The following CDH23 variants were observed in gnomAD, a reference collection of about 807,000 sequenced individuals.
CDH23 encodes the protein cadherin related 23, also known as cadherin-23.
Under a neutral mutation model 317.1 loss-of-function variants are expected in CDH23, and 189 were observed. The observed-to-expected ratio is 0.60, with a 90% confidence interval of 0.53 to 0.67. CDH23 has a LOEUF of 0.67. CDH23 is among the 30% of genes least tolerant of loss of function. CDH23 has a pLI of 0.00. For synonymous variants in CDH23, 1,839 were observed against 1,876.8 expected, an observed-to-expected ratio of 0.98 and a Z score of 0.52; for missense variants, 4,401 against 4,592.4, an observed-to-expected ratio of 0.96 and a Z score of 1.20.
At chr10:71,605,241 C>A (rs552465606) in intron 9 of CDH23, among the ~76,000 whole-genome samples, 1 of 149,080 alleles carries the variant, frequency 6.7e-6, no homozygotes, top group Admixed American at 6.7e-5. Context: ...CTTGTATTGA[C>A]CTTTTTTTTT....
intron 30 of CDH23, among the ~76,000 whole-genome samples, chr10:71,728,376 G>A (rs1866909268): frequency 6.6e-6 from 1 of 152,074 alleles, no homozygotes; most frequent in African/African-American, 2.4e-5. Flanking sequence ...AAGCAGCGAT[G>A]CAGAGAAACT....
At position 71,645,875 on chromosome 10, in the gene CDH23, C is replaced by T. The variant is rs185105210; in HGVS notation, c.1185C>T (p.Ser395=). The change falls in exon 13 of 70, where the codon TCC becomes TCT. Residue 395 remains serine (S), a synonymous_variant. Transcript: ENST00000224721. The part of the protein sequence containing the change: ...MFEVYLVGNN[S]HHFIISPTSV... ...AGGTGTACTTGGTGGGGAACAACTC[C>T]CACCACTTCATCATCTCCCCGACCT... is the stretch of plus-strand genomic sequence containing the variant. The T allele has an allele frequency of 1.6e-4, 260 of 1,613,460 alleles. 2 individuals carry two copies. The African/African-American group carries it at 2.1e-3, about 13-fold the overall frequency.
At chr10:71,436,838 G>A (rs1326022625) in intron 1 of CDH23, among the ~76,000 whole-genome samples, 2 of 152,164 alleles carry the variant, frequency 1.3e-5, no homozygotes, top group African/African-American at 2.4e-5. Context: ...CAGAGGGCTG[G>A]AGTTTTTTCT....
intron 8 of CDH23, among the ~76,000 whole-genome samples, chr10:71,576,004 CTT>C (rs1350292900): frequency 2.0e-5 from 3 of 152,214 alleles, no homozygotes; most frequent in Non-Finnish European, 4.4e-5. Context: ...GGGTATGACT[CTT>C]TTAGGAAGAG....
At chr10:71,506,130 G>A (rs1443394291) in intron 3 of CDH23, among the ~76,000 whole-genome samples, 1 of 152,140 alleles carries the variant, frequency 6.6e-6, no homozygotes, top group Non-Finnish European at 1.5e-5. Context: ...AAGAGGTCAG[G>A]CACAAAAGGC....
rs553947991 is a variant in CDH23, at chr10:71,780,289, A to G, written c.5368+842A>G. Among the ~76,000 whole-genome samples the G allele has an allele frequency of 5.9e-5, 9 of 152,348 alleles. No individual in the cohort carries two copies. The East Asian group carries it at 1.7e-3, about 29-fold the overall frequency. On this transcript the variant is annotated intron_variant, in intron 41 of 69. Transcript: ENST00000224721. ...AGAACGTACGTTCCAGTTGGAGGAC[A>G]CGGGCAATGAACCAACTGACTAAGT... is the stretch of plus-strand genomic sequence containing the variant.
chr10:71,651,604 T>G (rs1286566695), intron 14 of CDH23, among the ~76,000 whole-genome samples: 1 of 150,632 alleles, frequency 6.6e-6, no homozygotes, highest in Non-Finnish European at 1.5e-5. Flanking sequence ...AAAGGCCCCG[T>G]GGCTGGAGTA....
chr10:71,752,492 A>T (rs1213566379), intron 38 of CDH23, among the ~76,000 whole-genome samples: 1 of 152,148 alleles, frequency 6.6e-6, no homozygotes, highest in Admixed American at 6.5e-5. Context: ...TGCCCAGAGC[A>T]CACCAATACA....
rs1277766475 is a variant in CDH23 at position 71,438,666 on chromosome 10, T to C, written c.-5-1161T>C. 5.9e-5 allele frequency among the ~76,000 whole-genome samples: 9 copies of C among 152,268 alleles called. No homozygotes were observed. In the East Asian group the frequency reaches 1.5e-3, roughly 26 times the overall value. The stretch of plus-strand genomic sequence containing the variant: ...TGTGGAAGTCTCTCCAAAAATCCTT[T>C]CCTCCAGCTCTATTCACTGCCCTGT... On this transcript the variant is annotated intron_variant, in intron 1 of 69. Transcript: ENST00000224721.
intron 9 of CDH23, among the ~76,000 whole-genome samples, chr10:71,607,744 C>T (rs771638106): frequency 2.0e-5 from 3 of 152,066 alleles, no homozygotes; most frequent in Non-Finnish European, 4.4e-5. Context: ...CTCTACAAAA[C>T]ATACAAAAAT....
At chr10:71,730,959 C>T (rs1406274315) in intron 31 of CDH23, among the ~76,000 whole-genome samples, 3 of 152,250 alleles carry the variant, frequency 2.0e-5, no homozygotes, top group African/African-American at 7.2e-5. Flanking sequence ...TGGCTGCGGC[C>T]TGGCCTGCTC....
intron 60 of CDH23, among the ~76,000 whole-genome samples, 198 bp downstream of exon 60, chr10:71,808,205 C>T (rs1841800137): frequency 1.3e-5 from 2 of 152,222 alleles, no homozygotes; most frequent in Admixed American, 1.3e-4. Context: ...CTTCATCTAC[C>T]CACCAGCCCT....
At chr10:71,437,434 A>G (rs955257600) in intron 1 of CDH23, among the ~76,000 whole-genome samples, 2 of 152,252 alleles carry the variant, frequency 1.3e-5, no homozygotes, top group Admixed American at 1.3e-4. Flanking sequence ...AGCTATTATT[A>G]TCTCCTAAAA....
intron 30 of CDH23, among the ~76,000 whole-genome samples, chr10:71,729,524 G>T (rs1839282197): frequency 6.6e-6 from 1 of 152,218 alleles, no homozygotes; most frequent in African/African-American, 2.4e-5. Context: ...GGGGACGGAA[G>T]TTCCCAGGCA....
chr10:71,779,390 C>T lies in CDH23; in HGVS notation c.5311C>T (p.Arg1771Ter), dbSNP rs750027965. ...AGTGTGGACCTTCCTGGCCCATGAC[C>T]GAGACTCAGGACCCAACGGGCAGGT... Reference protein sequence around the residue: ...PRVWTFLAHDRDSGPNGQVEY... With the variant: ...PRVWTFLAHD The change falls in exon 41 of 70, where the codon CGA (arginine) becomes TGA (stop). Residue 1771 changes from arginine to a stop codon, truncating the protein, a stop_gained. Transcript: ENST00000224721. LOFTEE classifies it high-confidence loss of function. The T allele has an allele frequency of 7.4e-6, 12 of 1,613,610 alleles. No homozygotes were observed. Among genetic ancestry groups the T allele is most frequent in the Non-Finnish European group, 5.9e-6 (7 of 1,179,736 alleles).
At position 71,760,074 on chromosome 10, in the gene CDH23, T is replaced by C. The variant is rs573898690; in HGVS notation, c.4846-17606T>C. Among the ~76,000 whole-genome samples, 42 of 136,552 alleles carry C rather than the reference T, an allele frequency of 3.1e-4. 6 individuals carry two copies. Among genetic ancestry groups the C allele is most frequent in the African/African-American group, 1.1e-3 (41 of 36,338 alleles). The allele number at this position is 136,552 out of a possible 152,430, so 89.6% of individuals were successfully genotyped here. A position where few individuals can be genotyped will look rare whatever the true frequency, so the allele number is the denominator to read the frequency against. ...ACACACATATATATACACACACACA[T>C]ATATATACACACACATATACACACA... On this transcript the variant is annotated intron_variant, in intron 38 of 69. Transcript: ENST00000224721.
chr10:71,742,076 G>C, intron 38 of CDH23, 155 bp downstream of exon 38: 1 of 701,334 alleles, frequency 1.4e-6, no homozygotes, highest in Non-Finnish European at 2.3e-6. Flanking sequence ...ATCTGCCCAA[G>C]ATGGCCTCCC....
At chr10:71,477,888 C>T (rs1260430704) in intron 3 of CDH23, among the ~76,000 whole-genome samples, 3 of 152,146 alleles carry the variant, frequency 2.0e-5, no homozygotes, top group Admixed American at 6.5e-5. Flanking sequence ...GGTAAATCCC[C>T]AGCACTGATG....
chr10:71,577,995 A>C lies in CDH23; in HGVS notation c.832+3A>C. On this transcript the variant is annotated splice_donor_region_variant and intron_variant, in intron 9 of 69. Transcript: ENST00000224721. ...CATTGGCTACACCATCGTTTCAGGT[A>C]AGACAGAAGGCTGCCCCTCTCTCCT... is the stretch of plus-strand genomic sequence containing the variant. The C allele has an allele frequency of 6.3e-7, 1 of 1,592,956 alleles. No individual in the cohort carries two copies. Among genetic ancestry groups the C allele is most frequent in the Non-Finnish European group, 8.5e-7 (1 of 1,169,906 alleles).
Sources: gnomAD v4.1 joint callset for allele counts (sites outside exome capture counted in the v4.1 genomes callset) on GRCh38, gnomAD v4.1.1 for gene constraint, MANE v1.5 for transcripts, NCBI Gene and HGNC (gene_info 2026-07-23, HGNC 2026-07-21) for gene names.